Variants in SGIP1 observed in about 807,000 individuals in gnomAD.
The protein encoded by SGIP1 is SH3GL interacting endocytic adaptor 1, also known as SH3-containing GRB2-like protein 3-interacting protein 1.
Under a neutral mutation model 107.5 loss-of-function variants are expected in SGIP1, and 38 were observed. The ratio of observed to expected loss-of-function variants is 0.35; its 90% CI spans 0.27 to 0.46. The LOEUF (loss-of-function observed/expected upper bound fraction) is 0.46, where lower values mean the gene tolerates loss of function less well. SGIP1 is among the 20% of genes least tolerant of loss of function. SGIP1 has a pLI of 1.00. For synonymous variants in SGIP1, 365 were observed against 366.1 expected, an observed-to-expected ratio of 1.00 and a Z score of 0.03; for missense variants, 929 against 1,019.5, an observed-to-expected ratio of 0.91 and a Z score of 1.21.
chr1:66,724,359 A>G (rs1412695081), intron 19 of SGIP1, among the ~76,000 whole-genome samples: 5 of 152,238 alleles, frequency 3.3e-5, no homozygotes, highest in Non-Finnish European at 7.3e-5. Flanking sequence ...TCAAACTCAC[A>G]TGAAATGTAG....
At chr1:66,542,645 A>G (rs2055271321) in intron 1 of SGIP1, among the ~76,000 whole-genome samples, 2 of 152,214 alleles carry the variant, frequency 1.3e-5, no homozygotes, top group African/African-American at 4.8e-5. Flanking sequence ...TACACTACTC[A>G]AAATGGTGTG....
intron 23 of SGIP1, 101 bp downstream of exon 23, chr1:66,740,823 G>T: frequency 1.4e-6 from 1 of 727,096 alleles, no homozygotes. Flanking sequence ...AAAACAAGCA[G>T]AATATTTCAC....
intron 21 of SGIP1, among the ~76,000 whole-genome samples, chr1:66,734,439 C>T (rs1208332569): frequency 1.3e-5 from 2 of 151,818 alleles, no homozygotes; most frequent in Admixed American, 6.6e-5. Flanking sequence ...CTAATTCATA[C>T]CAGGATCCTG....
chr1:66,543,253 A>T (rs2055450387), intron 1 of SGIP1, among the ~76,000 whole-genome samples: 1 of 152,210 alleles, frequency 6.6e-6, no homozygotes, highest in South Asian at 2.1e-4. Context: ...TTTATCAAAA[A>T]GCCTGGTTCC....
chr1:66,624,816 C>T (rs1399268989), intron 1 of SGIP1, among the ~76,000 whole-genome samples: 1 of 152,128 alleles, frequency 6.6e-6, no homozygotes, highest in Non-Finnish European at 1.5e-5. Context: ...ATAATACTCA[C>T]TAACAGAAGC....
intron 1 of SGIP1, among the ~76,000 whole-genome samples, chr1:66,555,523 T>C (rs2058053366): frequency 6.6e-6 from 1 of 152,118 alleles, no homozygotes; most frequent in Non-Finnish European, 1.5e-5. Flanking sequence ...AGGCTCATAA[T>C]AAAAGCTTAG....
intron 14 of SGIP1, among the ~76,000 whole-genome samples, chr1:66,680,810 G>T (rs2086540630): frequency 6.6e-6 from 1 of 152,170 alleles, no homozygotes; most frequent in South Asian, 2.1e-4. Flanking sequence ...TACTAAGATG[G>T]CTCATATAGC....
At chr1:66,632,120 G>GT (rs1288376153) in intron 2 of SGIP1, among the ~76,000 whole-genome samples, 1 of 152,170 alleles carries the variant, frequency 6.6e-6, no homozygotes, top group African/African-American at 2.4e-5. Flanking sequence ...TCAACTCACA[G>GT]TTTTGAATAC....
At chr1:66,737,790 C>T (rs748157977) in intron 21 of SGIP1, among the ~76,000 whole-genome samples, 2 of 152,166 alleles carry the variant, frequency 1.3e-5, no homozygotes, top group Non-Finnish European at 2.9e-5. Flanking sequence ...TGAGGAATCC[C>T]TTTTGCTGTT....
chr1:66,567,835 C>A (rs111392261), intron 1 of SGIP1, among the ~76,000 whole-genome samples: 77,555 of 151,794 alleles, frequency 0.51, 20,779 homozygotes, highest in South Asian at 0.78. Flanking sequence ...GTTATTTCTG[C>A]GGTCTCTGTT....
At chr1:66,712,046 T>C (rs1007371400) in intron 18 of SGIP1, among the ~76,000 whole-genome samples, 32 of 152,102 alleles carry the variant, frequency 2.1e-4, no homozygotes, top group African/African-American at 7.2e-4. Context: ...AGATTTTTGT[T>C]ATCTGAATTT....
At chr1:66,589,226 T>G (rs1261879288) in intron 1 of SGIP1, among the ~76,000 whole-genome samples, 11 of 85,594 alleles carry the variant, frequency 1.3e-4, no homozygotes, top group South Asian at 4.6e-4. Flanking sequence ...ATGTAAGGCT[T>G]GGGGTAAAGA....
intron 2 of SGIP1, among the ~76,000 whole-genome samples, chr1:66,631,088 AAAGAAAGAAAG>A (rs1458988173): frequency 5.6e-5 from 8 of 143,614 alleles, no homozygotes; most frequent in African/African-American, 1.0e-4. Context: ...AGAAAGAAAG[AAAGAAAGAAAG>A]AAAAAAAGAA....
At chr1:66,673,673 GA>G (rs1245270425) in intron 12 of SGIP1, among the ~76,000 whole-genome samples, 2 of 152,180 alleles carry the variant, frequency 1.3e-5, no homozygotes, top group Admixed American at 6.5e-5. Context: ...CTGGGAACCA[GA>G]CCATCATCAT....
intron 1 of SGIP1, among the ~76,000 whole-genome samples, chr1:66,539,132 A>G (rs1047425048): frequency 3.9e-5 from 6 of 152,232 alleles, no homozygotes; most frequent in Non-Finnish European, 8.8e-5. Flanking sequence ...AGATAATTCT[A>G]AAGGAGTTGG....
In SGIP1 at chr1:66,625,865, G is replaced by A. The variant is rs1457221483; in HGVS notation, c.29G>A (p.Arg10Lys). ...CCCACAGGATTGAAAAAACGTACAA[G>A]GAAGGCCTTTGGAATACGGAAGAAA... The part of the protein sequence containing the change: MMEGLKKRT[R>K]KAFGIRKKEK... Residue 10 changes from arginine to lysine, a missense_variant, in exon 2 of 25, where the codon AGG (arginine) becomes AAG (lysine). Around this residue, in one of 2 missense-constraint regions of SGIP1, gnomAD observed 588 missense variants for 588.6 expected, o/e 1.00. Transcript: ENST00000371037. The A allele has an allele frequency of 6.2e-7, 1 of 1,612,126 alleles. No individual in the cohort carries two copies. The highest frequency in any genetic ancestry group is 8.5e-7 in the Non-Finnish European group (1 of 1,178,852).
At chr1:66,738,379 G>A (rs1290705947) in intron 21 of SGIP1, among the ~76,000 whole-genome samples, 4 of 152,068 alleles carry the variant, frequency 2.6e-5, no homozygotes, top group African/African-American at 9.7e-5. Context: ...AAAAATCCAA[G>A]GGCATAGACA....
intron 1 of SGIP1, among the ~76,000 whole-genome samples, chr1:66,577,257 C>T (rs1030711398): frequency 9.2e-5 from 14 of 152,156 alleles, no homozygotes; most frequent in African/African-American, 3.4e-4. Context: ...TCCTTTCCCA[C>T]TCAGTTCATG....
intron 1 of SGIP1, among the ~76,000 whole-genome samples, chr1:66,580,461 C>T (rs902943148): frequency 2.6e-5 from 4 of 152,172 alleles, no homozygotes; most frequent in African/African-American, 9.7e-5. Context: ...ATAGCGATCA[C>T]TACCTCAAAA....
Sources: gnomAD v4.1 joint callset for allele counts (sites outside exome capture counted in the v4.1 genomes callset) on GRCh38, gnomAD v4.1.1 for gene constraint, gnomAD v4.1.1 regional missense constraint, MANE v1.5 for transcripts, NCBI Gene and HGNC (gene_info 2026-07-23, HGNC 2026-07-21) for gene names.